PAWR: variants seen among roughly 807,000 people sequenced by gnomAD.
PAWR encodes PRKC apoptosis WT1 regulator protein.
PAWR carries 23 observed loss-of-function variants against 32.0 expected under a neutral mutation model. The observed-to-expected ratio is 0.72, with a 90% CI of 0.52 to 1.02. The LOEUF is 1.02. Ranked by LOEUF, PAWR falls within the 50% of genes least tolerant of loss-of-function variation. PAWR has a pLI of 0.00. For missense variants in PAWR, 457 were observed against 437.7 expected (o/e 1.04, Z -0.39); for synonymous variants, 226 against 187.1 (o/e 1.21, Z -1.70).
At chr12:79,624,570 T>G (rs1875187078) in intron 2 of PAWR, among the ~76,000 whole-genome samples, 2 of 152,200 alleles carry the variant, frequency 1.3e-5, no homozygotes, top group African/African-American at 4.8e-5. Context: ...AGTATAGGAT[T>G]ACTTGATGAA....
rs1427403798 is a variant in PAWR, at chr12:79,587,450, C to G, written c.*5157G>C. The G allele has an allele frequency of 6.6e-6, 1 of 152,012 alleles. No individual in the cohort carries two copies. Among genetic ancestry groups the G allele is most frequent in the African/African-American group, 2.4e-5 (1 of 41,418 alleles). The allele number at this position is 152,012 out of a possible 1,614,324, so 9.4% of individuals were successfully genotyped here. ...TTTGAAGGACCTGAAATTCTTTGGA[C>G]ACCATCAGATTTAGTTTATAAGAGT... On this transcript the variant is annotated 3_prime_UTR_variant, in exon 7 of 7. Coordinates refer to ENST00000328827, the MANE Select transcript of PAWR (RefSeq NM_002583.4).
chr12:79,607,711 G>A lies in PAWR; in HGVS notation c.683+5864C>T, dbSNP rs548038148. Among the ~76,000 whole-genome samples, 359 of 142,578 alleles carry A rather than the reference G, an allele frequency of 2.5e-3. 1 individual carries two copies. The highest frequency in any genetic ancestry group is 4.0e-3 in the Middle Eastern group (1 of 252). 93.5% of individuals were successfully genotyped at this position (142,578 alleles called of 152,430 possible). On this transcript the variant is annotated intron_variant, in intron 4 of 6. Coordinates refer to ENST00000328827, the MANE Select transcript of PAWR (RefSeq NM_002583.4). Reference sequence around the variant, plus strand: ...ACTACTGCACTCCAGCCTGGGCATCGGAGTGAGACCTTGTCTCAAAAAAAA... The same window carrying A: ...ACTACTGCACTCCAGCCTGGGCATCAGAGTGAGACCTTGTCTCAAAAAAAA...
chr12:79,655,379 C>A (rs897589835), intron 2 of PAWR, among the ~76,000 whole-genome samples: 3 of 152,194 alleles, frequency 2.0e-5, no homozygotes, highest in African/African-American at 7.2e-5. Flanking sequence ...ATGACAATTT[C>A]TCAAATTCCA....
At chr12:79,596,702 A>T in intron 4 of PAWR, 44 bp from the exon 5 acceptor site, 2 of 1,310,312 alleles carry the variant, frequency 1.5e-6, no homozygotes, top group Non-Finnish European at 2.1e-6. Context: ...AGTATTCAGC[A>T]AGAAAAATGC....
intron 4 of PAWR, among the ~76,000 whole-genome samples, chr12:79,598,503 A>G (rs1250051538): frequency 6.6e-6 from 1 of 152,210 alleles, no homozygotes; most frequent in Non-Finnish European, 1.5e-5. Context: ...ATCCATTTCC[A>G]ATAATTTATC....
intron 2 of PAWR, among the ~76,000 whole-genome samples, chr12:79,672,114 G>T (rs1356032566): frequency 6.6e-6 from 1 of 151,906 alleles, no homozygotes; most frequent in Non-Finnish European, 1.5e-5. Flanking sequence ...TCTCTCCATG[G>T]CCCCTACCTC....
chr12:79,616,625 C>T (rs1370410268), intron 3 of PAWR, among the ~76,000 whole-genome samples: 3 of 152,052 alleles, frequency 2.0e-5, no homozygotes, highest in Non-Finnish European at 2.9e-5. Flanking sequence ...TTATAAATGA[C>T]TTAAAAGTCA....
intron 2 of PAWR, among the ~76,000 whole-genome samples, chr12:79,667,298 C>T (rs897217688): frequency 3.3e-5 from 5 of 152,042 alleles, no homozygotes; most frequent in Non-Finnish European, 5.9e-5. Context: ...TTTACTCCTT[C>T]GGATGGAAGT....
intron 2 of PAWR, among the ~76,000 whole-genome samples, chr12:79,668,599 A>G (rs992019906): frequency 3.9e-5 from 6 of 152,196 alleles, no homozygotes; most frequent in African/African-American, 1.4e-4. Flanking sequence ...AGATTCTCAT[A>G]AGGAGTGCAC....
At chr12:79,606,392 G>A (rs1278129854) in intron 4 of PAWR, among the ~76,000 whole-genome samples, 1 of 152,092 alleles carries the variant, frequency 6.6e-6, no homozygotes, top group Non-Finnish European at 1.5e-5. Context: ...CAGTTTAGTG[G>A]TTAATTTCCA....
intron 2 of PAWR, among the ~76,000 whole-genome samples, chr12:79,680,018 T>C (rs949027187): frequency 1.3e-5 from 2 of 152,226 alleles, no homozygotes; most frequent in African/African-American, 4.8e-5. Flanking sequence ...TACAACGTTT[T>C]ACATATTTTA....
chr12:79,675,990 G>T lies in PAWR; in HGVS notation c.516+13739C>A, dbSNP rs114492345. ...TGTGAAGCTGGAAGCACAGGAGAAA[G>T]AAGTGACCCTGATCGCATTATGAAG... On this transcript the variant is annotated intron_variant, in intron 2 of 6. Transcript: ENST00000328827. 1.3e-5 allele frequency among the ~76,000 whole-genome samples: 2 copies of T among 151,570 alleles called. 1 individual carries two copies. The highest frequency in any genetic ancestry group is 2.9e-5 in the Non-Finnish European group (2 of 67,916).
chr12:79,611,800 C>G (rs1035449997), intron 4 of PAWR, among the ~76,000 whole-genome samples: 4 of 152,054 alleles, frequency 2.6e-5, no homozygotes, highest in African/African-American at 4.8e-5. Context: ...GGACATATCA[C>G]AAGTAATGGT....
intron 2 of PAWR, among the ~76,000 whole-genome samples, chr12:79,640,668 G>T (rs1876278207): frequency 1.3e-5 from 2 of 152,052 alleles, no homozygotes; most frequent in Admixed American, 6.6e-5. Flanking sequence ...TTGGGCCCTG[G>T]AAGTCCAGGA....
At chr12:79,672,518 T>C (rs977980745) in intron 2 of PAWR, among the ~76,000 whole-genome samples, 2 of 152,278 alleles carry the variant, frequency 1.3e-5, no homozygotes, top group African/African-American at 2.4e-5. Flanking sequence ...CTTCCAAAGT[T>C]TGGATCTCAA....
chr12:79,595,783 T>C (rs1469199599), intron 5 of PAWR, among the ~76,000 whole-genome samples: 1 of 151,958 alleles, frequency 6.6e-6, no homozygotes, highest in Non-Finnish European at 1.5e-5. Flanking sequence ...ACCTGGGAAG[T>C]GGAGGTTGCA....
chr12:79,601,435 C>T (rs907715660), intron 4 of PAWR, among the ~76,000 whole-genome samples: 1 of 151,834 alleles, frequency 6.6e-6, no homozygotes, highest in Non-Finnish European at 1.5e-5. Flanking sequence ...GAAGTCCTGG[C>T]CTCAAGCGAT....
At chr12:79,655,021 G>A (rs771255630) in intron 2 of PAWR, among the ~76,000 whole-genome samples, 1 of 152,142 alleles carries the variant, frequency 6.6e-6, no homozygotes, top group Non-Finnish European at 1.5e-5. Context: ...CTTTCAGCTC[G>A]CTAAGCTGCC....
intron 5 of PAWR, among the ~76,000 whole-genome samples, chr12:79,595,861 A>C (rs913802910): frequency 5.9e-5 from 9 of 151,468 alleles, no homozygotes; most frequent in Non-Finnish European, 1.2e-4. Flanking sequence ...TCAAAACTAA[A>C]TAAATAAATA....
Sources: gnomAD v4.1 joint callset for allele counts (sites outside exome capture counted in the v4.1 genomes callset) on GRCh38, gnomAD v4.1.1 for gene constraint, MANE v1.5 for transcripts, NCBI Gene and HGNC (gene_info 2026-07-23, HGNC 2026-07-21) for gene names.